ADAMTS3: variants seen among roughly 807,000 people sequenced by gnomAD.
ADAMTS3 encodes the protein A disintegrin and metalloproteinase with thrombospondin motifs 3.
Under a neutral mutation model 129.0 loss-of-function variants are expected in ADAMTS3, and 73 were observed. The ratio of observed to expected loss-of-function variants is 0.57; its 90% CI spans 0.47 to 0.69. The LOEUF (loss-of-function observed/expected upper bound fraction) is 0.69, where lower values mean the gene tolerates loss of function less well. ADAMTS3 is among the 30% of genes least tolerant of loss of function. The pLI is 0.00. For synonymous variants in ADAMTS3, 477 were observed against 510.8 expected, an observed-to-expected ratio of 0.93 and a Z score of 0.89; for missense variants, 1,457 against 1,514.5, an observed-to-expected ratio of 0.96 and a Z score of 0.63.
chr4:72,558,861 T>C (rs1304854040), intron 2 of ADAMTS3, among the ~76,000 whole-genome samples: 1 of 151,724 alleles, frequency 6.6e-6, no homozygotes, highest in Non-Finnish European at 1.5e-5. Context: ...CAGTGAATGA[T>C]TCAAGCTTAT....
chr4:72,538,516 AC>A (rs1721238227), intron 3 of ADAMTS3, among the ~76,000 whole-genome samples: 1 of 152,106 alleles, frequency 6.6e-6, no homozygotes, highest in Non-Finnish European at 1.5e-5. Context: ...AAAAAGGTAC[AC>A]CAAGGTATGG....
chr4:72,507,388 G>T (rs1254478176), intron 3 of ADAMTS3, among the ~76,000 whole-genome samples: 1 of 152,014 alleles, frequency 6.6e-6, no homozygotes, highest in African/African-American at 2.4e-5. Context: ...TGACTCCTGA[G>T]AATTTAAATC....
chr4:72,443,081 A>G (rs1425125243), intron 3 of ADAMTS3, among the ~76,000 whole-genome samples: 2 of 151,696 alleles, frequency 1.3e-5, no homozygotes, highest in African/African-American at 2.4e-5. Context: ...TTAATGTGTC[A>G]AATAACTTAT....
intron 4 of ADAMTS3, among the ~76,000 whole-genome samples, chr4:72,339,950 C>A (rs536586352): frequency 6.6e-6 from 1 of 152,124 alleles, no homozygotes; most frequent in Non-Finnish European, 1.5e-5. Context: ...GGCAGAAGGA[C>A]TATTCTGTAA....
intron 2 of ADAMTS3, among the ~76,000 whole-genome samples, chr4:72,549,969 AAG>A (rs1270082386): frequency 3.6e-5 from 1 of 27,428 alleles, no homozygotes; most frequent in African/African-American, 2.6e-4. Flanking sequence ...AAAAAAGAAG[AAG>A]AAGAAGAAGA....
Position 72,540,324 on chromosome 4 carries a change from G to A in ADAMTS3, c.504+8154C>T, listed in dbSNP as rs571365596. Among the ~76,000 whole-genome samples, 66 of 152,304 alleles carry A rather than the reference G, an allele frequency of 4.3e-4. 1 individual carries two copies. Among genetic ancestry groups the A allele is most frequent in the Non-Finnish European group, 7.3e-5 (5 of 68,028 alleles). On this transcript the variant is annotated intron_variant, in intron 3 of 21. Transcript: ENST00000286657. ...TTGAGAGAGATGATTTAGGGTATCT[G>A]CTAGAAGAAATTTCTAAGCAGCAAA...
chr4:72,488,807 A>T (rs986364047), intron 3 of ADAMTS3, among the ~76,000 whole-genome samples: 1 of 151,894 alleles, frequency 6.6e-6, no homozygotes, highest in South Asian at 2.1e-4. Flanking sequence ...AACACCTAGG[A>T]TCTACCCTCT....
At chr4:72,360,554 A>G (rs1373627305) in intron 4 of ADAMTS3, among the ~76,000 whole-genome samples, 1 of 151,706 alleles carries the variant, frequency 6.6e-6, no homozygotes, top group Non-Finnish European at 1.5e-5. Flanking sequence ...GAAATTTACA[A>G]TTTTACGTAA....
intron 4 of ADAMTS3, among the ~76,000 whole-genome samples, chr4:72,387,737 T>C (rs1381911461): frequency 6.6e-6 from 1 of 152,172 alleles, no homozygotes; most frequent in Non-Finnish European, 1.5e-5. Flanking sequence ...TTGACTTGAA[T>C]GAGGTGCCTA....
At position 72,282,085 on chromosome 4, in the gene ADAMTS3, C is replaced by T. The variant is rs1718361280; in HGVS notation, c.*1051G>A. On this transcript the variant is annotated 3_prime_UTR_variant, in exon 22 of 22. Coordinates refer to ENST00000286657, the MANE Select transcript of ADAMTS3 (RefSeq NM_014243.3). ...GCTCTACTATACTCAAATATCAATT[C>T]TAGACTGATGATATTTTTCTCAGCT... is the stretch of plus-strand genomic sequence containing the variant. 6.6e-6 allele frequency: 1 copy of T among 152,152 alleles called. No individual in the cohort carries two copies. The highest frequency in any genetic ancestry group is 2.1e-4 in the South Asian group (1 of 4,834). The allele number at this position is 152,152 out of a possible 1,614,324, so 9.4% of individuals were successfully genotyped here.
intron 14 of ADAMTS3, among the ~76,000 whole-genome samples, 165 bp from the exon 15 acceptor site, chr4:72,309,685 AT>A (rs934715625): frequency 8.5e-5 from 13 of 152,178 alleles, no homozygotes; most frequent in African/African-American, 2.6e-4. Context: ...TTTAAAAAAA[AT>A]AATGGGAAAC....
chr4:72,366,539 T>C (rs1317650053), intron 4 of ADAMTS3, among the ~76,000 whole-genome samples: 1 of 152,200 alleles, frequency 6.6e-6, no homozygotes, highest in Non-Finnish European at 1.5e-5. Flanking sequence ...GGGTTCCTTA[T>C]AGTAAGCTCC....
At chr4:72,480,798 G>A (rs1250394479) in intron 3 of ADAMTS3, among the ~76,000 whole-genome samples, 1 of 149,602 alleles carries the variant, frequency 6.7e-6, no homozygotes, top group Admixed American at 6.7e-5. Flanking sequence ...TGATATGATA[G>A]TCTACATAGA....
At chr4:72,393,248 A>G (rs1721646228) in intron 4 of ADAMTS3, among the ~76,000 whole-genome samples, 1 of 152,090 alleles carries the variant, frequency 6.6e-6, no homozygotes, top group South Asian at 2.1e-4. Flanking sequence ...TGCAACAGAA[A>G]TATTAGTTTC....
At chr4:72,292,681 C>T (rs753376971) in intron 19 of ADAMTS3, among the ~76,000 whole-genome samples, 6 of 152,210 alleles carry the variant, frequency 3.9e-5, no homozygotes, top group Non-Finnish European at 8.8e-5. Context: ...TCTGGTTATG[C>T]AAGCTGTCTG....
chr4:72,407,385 T>C (rs569106735), intron 4 of ADAMTS3, among the ~76,000 whole-genome samples: 285 of 152,280 alleles, frequency 1.9e-3, no homozygotes, highest in African/African-American at 6.7e-3. Context: ...TATTATTTGT[T>C]TCACCTTTTG....
intron 21 of ADAMTS3, among the ~76,000 whole-genome samples, chr4:72,287,382 C>G (rs28863931): frequency 0.019 from 2,861 of 148,256 alleles, 89 homozygotes; most frequent in African/African-American, 0.068. Flanking sequence ...GAGACAGAGA[C>G]AGACATACCA....
At chr4:72,504,937 G>T (rs1300821356) in intron 3 of ADAMTS3, among the ~76,000 whole-genome samples, 4 of 152,112 alleles carry the variant, frequency 2.6e-5, no homozygotes, top group African/African-American at 9.7e-5. Flanking sequence ...TTTTTAAGAT[G>T]TTTATCTCTC....
intron 14 of ADAMTS3, among the ~76,000 whole-genome samples, chr4:72,310,382 C>T (rs184071954): frequency 1.3e-5 from 2 of 152,176 alleles, no homozygotes; most frequent in South Asian, 2.1e-4. Flanking sequence ...ACAACACATA[C>T]TATGCTTTCA....
Sources: allele counts gnomAD v4.1 joint callset (sites outside exome capture counted in the v4.1 genomes callset), GRCh38; gene constraint gnomAD v4.1.1; transcripts MANE v1.5; gene names NCBI Gene and HGNC (gene_info 2026-07-23, HGNC 2026-07-21).